ST7: variants seen among roughly 807,000 people sequenced by gnomAD.
ST7 encodes the protein suppression of tumorigenicity 7, also known as suppressor of tumorigenicity 7 protein.
ST7 carries 28 observed loss-of-function variants against 78.7 expected under a neutral mutation model. The ratio of observed to expected loss-of-function variants is 0.36; its 90% CI spans 0.26 to 0.49. The LOEUF is 0.49. Among genes scored for constraint, ST7 ranks in the 20% least tolerant of loss-of-function variants. The pLI, the probability that ST7 is intolerant of heterozygous loss-of-function variation, is 0.99. For missense variants in ST7, 418 were observed against 696.0 expected (o/e 0.60, Z 4.49); for synonymous variants, 247 against 249.6 (o/e 0.99, Z 0.10).
chr7:117,064,028 T>C (rs1441488964), intron 1 of ST7, among the ~76,000 whole-genome samples: 2 of 152,236 alleles, frequency 1.3e-5, no homozygotes, highest in East Asian at 1.9e-4. Context: ...AGTAATTAAA[T>C]AATAGCTATG....
At chr7:117,122,797 AC>A (rs1488634224) in intron 3 of ST7, among the ~76,000 whole-genome samples, 3 of 152,212 alleles carry the variant, frequency 2.0e-5, no homozygotes, top group African/African-American at 4.8e-5. Context: ...CTGGAATAAT[AC>A]CATTGCTGTT....
At chr7:117,105,988 T>A (rs530468930) in intron 2 of ST7, among the ~76,000 whole-genome samples, 3 of 145,418 alleles carry the variant, frequency 2.1e-5, no homozygotes, top group African/African-American at 8.3e-5. Context: ...TTGTTTTTGT[T>A]TTTGTTTTTG....
rs1290236256 is a variant in ST7 at position 117,172,496 on chromosome 7, CAG to C, written c.1078+1524_1078+1525del. 4.6e-5 allele frequency among the ~76,000 whole-genome samples: 7 copies of C among 152,280 alleles called. No homozygotes were observed. The East Asian group carries it at 1.3e-3, about 29-fold the overall frequency. On this transcript the variant is annotated intron_variant, in intron 10 of 15. Transcript: ENST00000323984. ...CCTAGTATGGAACTGATTTGAGAAACAGAGAAAAGTATTTGTGGAGCACTTTT... is the reference window on the plus strand; with the variant it reads ...CCTAGTATGGAACTGATTTGAGAAACAGAAAAGTATTTGTGGAGCACTTTT...
chr7:116,956,425 C>A (rs1562975163), intron 1 of ST7: 3 of 469,888 alleles, frequency 6.4e-6, no homozygotes, highest in Non-Finnish European at 4.4e-6. Context: ...TTCTTCAGCC[C>A]TGTGGTGCTT....
At chr7:116,988,233 T>A (rs553622626) in intron 1 of ST7, among the ~76,000 whole-genome samples, 1 of 152,332 alleles carries the variant, frequency 6.6e-6, no homozygotes, top group African/African-American at 2.4e-5. Flanking sequence ...CTACATTAGT[T>A]GCTTTGATGA....
chr7:117,068,959 T>A (rs776288290), intron 1 of ST7, among the ~76,000 whole-genome samples: 5 of 152,178 alleles, frequency 3.3e-5, no homozygotes, highest in Non-Finnish European at 7.3e-5. Context: ...GAAGGGATCT[T>A]TTGAGGCAGG....
intron 12 of ST7, among the ~76,000 whole-genome samples, chr7:117,204,297 T>C (rs38893): frequency 0.027 from 4,042 of 152,364 alleles, 74 homozygotes; most frequent in Middle Eastern, 0.058. Flanking sequence ...CCAGGTACTA[T>C]GTGAATGAAT....
chr7:117,134,608 T>C (rs931111498), intron 7 of ST7, among the ~76,000 whole-genome samples: 1 of 152,060 alleles, frequency 6.6e-6, no homozygotes, highest in African/African-American at 2.4e-5. Flanking sequence ...CCTCTGATAC[T>C]GTATCTACCA....
At chr7:116,974,906 G>A (rs927090024) in intron 1 of ST7, among the ~76,000 whole-genome samples, 1 of 152,206 alleles carries the variant, frequency 6.6e-6, no homozygotes. Flanking sequence ...TGCAGGTTCA[G>A]TACTTTCACT....
intron 1 of ST7, among the ~76,000 whole-genome samples, chr7:117,087,644 T>A (rs1000375709): frequency 2.6e-5 from 4 of 152,208 alleles, no homozygotes; most frequent in African/African-American, 9.6e-5. Context: ...TGATAAATGC[T>A]CTCCTCTTTA....
chr7:116,962,521 C>G (rs1792885291), intron 1 of ST7, among the ~76,000 whole-genome samples: 1 of 152,168 alleles, frequency 6.6e-6, no homozygotes, highest in Non-Finnish European at 1.5e-5. Flanking sequence ...TTTTGATTTG[C>G]ATTTCTGTAA....
At chr7:117,150,389 ATCTTC>A (rs1391894044) in intron 9 of ST7, among the ~76,000 whole-genome samples, 1 of 152,070 alleles carries the variant, frequency 6.6e-6, no homozygotes, top group African/African-American at 2.4e-5. Flanking sequence ...ATAGTGTTCC[ATCTTC>A]TCTTGACTCT....
chr7:117,167,645 A>C (rs1807675273), intron 9 of ST7, among the ~76,000 whole-genome samples: 1 of 152,102 alleles, frequency 6.6e-6, no homozygotes. Context: ...ACAGTTCTAG[A>C]GATCAGGGTG....
chr7:117,085,651 C>A (rs537930317), intron 1 of ST7, among the ~76,000 whole-genome samples: 1 of 152,254 alleles, frequency 6.6e-6, no homozygotes, highest in East Asian at 1.9e-4. Flanking sequence ...TGAAAGATAG[C>A]TAGAGGATAG....
chr7:117,003,555 G>T (rs1379991345), intron 1 of ST7, among the ~76,000 whole-genome samples: 3 of 152,030 alleles, frequency 2.0e-5, no homozygotes, highest in Non-Finnish European at 4.4e-5. Flanking sequence ...AAAGGGCTGG[G>T]ATTACAAGCG....
chr7:116,963,634 T>A (rs1792946477), intron 1 of ST7, among the ~76,000 whole-genome samples: 1 of 136,346 alleles, frequency 7.3e-6, no homozygotes, highest in Non-Finnish European at 1.5e-5. Flanking sequence ...TTTTTTTTCT[T>A]TTTTTTTTTT....
chr7:117,171,157 C>T (rs533372044), intron 10 of ST7, among the ~76,000 whole-genome samples, 181 bp downstream of exon 10: 1 of 152,294 alleles, frequency 6.6e-6, no homozygotes, highest in African/African-American at 2.4e-5. Context: ...TTAGCAAGGA[C>T]CAGAAATGTC....
intron 10 of ST7, among the ~76,000 whole-genome samples, chr7:117,174,427 C>T (rs572207190): frequency 6.6e-6 from 1 of 152,082 alleles, no homozygotes; most frequent in South Asian, 2.1e-4. Context: ...GTAACTGGTA[C>T]AAAAAGAAGG....
Position 117,078,712 on chromosome 7 carries a change from G to T in ST7, c.152-21050G>T, listed in dbSNP as rs552451814. Reference sequence around the variant, plus strand: ...CAAGAAGAGTCATGGTTGTATGGATGTTGTTATGGGTTTGAATTAGCATAT... The same window carrying T: ...CAAGAAGAGTCATGGTTGTATGGATTTTGTTATGGGTTTGAATTAGCATAT... On this transcript the variant is annotated intron_variant, in intron 1 of 15. Coordinates refer to ENST00000323984, the MANE Select transcript of ST7 (RefSeq NM_001369598.1). 2.0e-5 allele frequency among the ~76,000 whole-genome samples: 3 copies of T among 152,328 alleles called. No homozygotes were observed. The East Asian group carries it at 5.8e-4, about 29-fold the overall frequency.
Sources: allele counts gnomAD v4.1 joint callset (sites outside exome capture counted in the v4.1 genomes callset), GRCh38; gene constraint gnomAD v4.1.1; transcripts MANE v1.5; gene names NCBI Gene and HGNC (gene_info 2026-07-23, HGNC 2026-07-21).